PCSK1: variants seen among roughly 807,000 people sequenced by gnomAD.
PCSK1 encodes proprotein convertase subtilisin/kexin type 1, also known as neuroendocrine convertase 1.
Under a neutral mutation model 90.6 loss-of-function variants are expected in PCSK1, and 56 were observed. The ratio of observed to expected loss-of-function variants is 0.62; its 90% CI spans 0.50 to 0.77. The LOEUF (loss-of-function observed/expected upper bound fraction) is 0.77, where lower values mean the gene tolerates loss of function less well. PCSK1 is among the 30% of genes least tolerant of loss of function. The pLI is 0.00. For missense variants in PCSK1, 801 were observed against 932.6 expected, an observed-to-expected ratio of 0.86 and a Z score of 1.84; for synonymous variants, 348 against 342.4, an observed-to-expected ratio of 1.02 and a Z score of -0.18.
Position 96,421,882 on chromosome 5 carries a change from G to A in PCSK1, c.618C>T (p.Asn206=), listed in dbSNP as rs1761138786. The A allele has an allele frequency of 2.0e-6, 3 of 1,495,066 alleles. No individual in the cohort carries two copies. The highest frequency in any genetic ancestry group is 1.9e-6 in the Non-Finnish European group (2 of 1,076,714). The allele number at this position is 1,495,066 out of a possible 1,614,324, so 92.6% of individuals were successfully genotyped here. A position where few individuals can be genotyped will look rare whatever the true frequency, so the allele number is the denominator to read the frequency against. ...CACACAAATGCATATTTACTCACTT[G>A]TTCTCGTTTGTGGGATCATATCGGG... ...PFPRYDPTNE[N]KHGTRCAGEI... is the part of the protein sequence containing the mutation. The change falls in exon 5 of 14, where the codon AAC becomes AAT. Residue 206 remains asparagine, a splice_region_variant and synonymous_variant. Transcript: ENST00000311106.
At chr5:96,417,194 C>T (rs1025394573) in intron 5 of PCSK1, among the ~76,000 whole-genome samples, 1 of 152,166 alleles carries the variant, frequency 6.6e-6, no homozygotes, top group Non-Finnish European at 1.5e-5. Flanking sequence ...ATTGACTGGC[C>T]ATCAAGAAGA....
intron 6 of PCSK1, among the ~76,000 whole-genome samples, chr5:96,412,752 G>GTTTTTTTGTT (rs1760802563): frequency 1.4e-5 from 1 of 71,832 alleles, no homozygotes; most frequent in African/African-American, 9.0e-5. Context: ...CAGCTGTGAT[G>GTTTTTTTGTT]TTTTTTTTTT....
chr5:96,402,064 G>A (rs923138000), intron 9 of PCSK1, among the ~76,000 whole-genome samples: 4 of 152,174 alleles, frequency 2.6e-5, no homozygotes, highest in Admixed American at 6.5e-5. Flanking sequence ...CTCAGCACTC[G>A]GTTGGAGAAC....
intron 1 of PCSK1, 104 bp downstream of exon 1, chr5:96,432,759 G>C (rs979325333): frequency 4.5e-6 from 4 of 884,728 alleles, no homozygotes; most frequent in African/African-American, 1.7e-5. Context: ...TTGCTACTCT[G>C]GGCTCTGGAG....
At chr5:96,420,840 G>A (rs1029261100) in intron 5 of PCSK1, among the ~76,000 whole-genome samples, 7 of 152,046 alleles carry the variant, frequency 4.6e-5, no homozygotes, top group Non-Finnish European at 7.4e-5. Context: ...CCCAAGTTGG[G>A]TAACAGTCCA....
chr5:96,396,614 A>G (rs1760158834), intron 12 of PCSK1, among the ~76,000 whole-genome samples: 2 of 151,976 alleles, frequency 1.3e-5, no homozygotes, highest in Non-Finnish European at 2.9e-5. Context: ...GCTGATATTT[A>G]TTACACTTTT....
chr5:96,416,176 T>A (rs1269675079), intron 5 of PCSK1, 55 bp from the exon 6 acceptor site: 129 of 1,196,166 alleles, frequency 1.1e-4, no homozygotes, highest in Non-Finnish European at 1.5e-4. Flanking sequence ...ACATTTGTTT[T>A]GCATATGAAT....
At position 96,432,243 on chromosome 5, in the gene PCSK1, G is replaced by A. The variant is rs1327558418; in HGVS notation, c.180+620C>T. On this transcript the variant is annotated intron_variant, in intron 1 of 13. Transcript: ENST00000311106. ...GAGAGTCGCGGGGATAGATGGTCCCGTGTCTTTCACCCACCATTTCTCCCC... is the reference window on the plus strand; with the variant it reads ...GAGAGTCGCGGGGATAGATGGTCCCATGTCTTTCACCCACCATTTCTCCCC... 11 of 900,628 alleles carry A rather than the reference G, an allele frequency of 1.2e-5. No homozygotes were observed. In the African/African-American group the frequency reaches 1.7e-4, roughly 14 times the overall value. The allele number at this position is 900,628 out of a possible 1,614,324, so 55.8% of individuals were successfully genotyped here.
At chr5:96,427,707 A>C (rs2112448109) in intron 2 of PCSK1, among the ~76,000 whole-genome samples, 1 of 152,276 alleles carries the variant, frequency 6.6e-6, no homozygotes, top group African/African-American at 2.4e-5. Flanking sequence ...ATTCTGTCCA[A>C]TTTTCTCCTA....
At chr5:96,428,442 A>G (rs890130542) in intron 2 of PCSK1, among the ~76,000 whole-genome samples, 1 of 152,220 alleles carries the variant, frequency 6.6e-6, no homozygotes. Context: ...GAAAATTACA[A>G]TACTCCCAAC....
intron 5 of PCSK1, among the ~76,000 whole-genome samples, chr5:96,416,827 C>A (rs1364731968): frequency 6.6e-6 from 1 of 152,186 alleles, no homozygotes; most frequent in Non-Finnish European, 1.5e-5. Flanking sequence ...TTTATGATTT[C>A]AGAGTATTTG....
chr5:96,419,992 G>T (rs1183229034), intron 5 of PCSK1, among the ~76,000 whole-genome samples: 2 of 151,982 alleles, frequency 1.3e-5, no homozygotes, highest in Non-Finnish European at 2.9e-5. Flanking sequence ...TGCCTGGAAG[G>T]ACCGTATACT....
intron 9 of PCSK1, among the ~76,000 whole-genome samples, chr5:96,406,486 C>A (rs1203980088): frequency 1.3e-5 from 2 of 152,178 alleles, no homozygotes; most frequent in Non-Finnish European, 2.9e-5. Context: ...ATCTTGCCAG[C>A]CCCTCCAAGT....
At chr5:96,425,484 A>G (rs1164981953) in intron 3 of PCSK1, among the ~76,000 whole-genome samples, 1 of 152,244 alleles carries the variant, frequency 6.6e-6, no homozygotes. Flanking sequence ...CTGAAGAATA[A>G]CTTTAACCAA....
chr5:96,420,501 G>C (rs115719494), intron 5 of PCSK1, among the ~76,000 whole-genome samples: 3,748 of 152,156 alleles, frequency 0.025, 152 homozygotes, highest in African/African-American at 0.086. Flanking sequence ...AACCCCTTTA[G>C]TCACCCTCAA....
At chr5:96,432,026 A>C (rs1437475890) in intron 1 of PCSK1, 20 of 1,258,786 alleles carry the variant, frequency 1.6e-5, no homozygotes, top group Non-Finnish European at 1.9e-5. Flanking sequence ...CTATCGACCA[A>C]GCCTTCACTT....
chr5:96,408,208 C>A lies in PCSK1; in HGVS notation c.1196+15G>T, dbSNP rs754036682. On this transcript the variant is annotated intron_variant, in intron 9 of 13. Transcript: ENST00000311106. ...CAGCCTTTGTAAAGGTGATTAGAAG[C>A]TTTCTGGGCCTTACTTTGCTTCCAG... 1 of 1,592,134 alleles carries A rather than the reference C, an allele frequency of 6.3e-7. No homozygotes were observed. Among genetic ancestry groups the A allele is most frequent in the East Asian group, 2.2e-5 (1 of 44,770 alleles).
intron 8 of PCSK1, among the ~76,000 whole-genome samples, chr5:96,409,385 G>C (rs933278008): frequency 2.6e-5 from 4 of 152,226 alleles, no homozygotes; most frequent in African/African-American, 9.7e-5. Context: ...GAGGGCTGCG[G>C]AAGCAAGGTT....
At position 96,392,128 on chromosome 5, in the gene PCSK1, T is replaced by C. The variant is rs928493742; in HGVS notation, c.*873A>G. On this transcript the variant is annotated 3_prime_UTR_variant, in exon 14 of 14. Transcript: ENST00000311106. ...CATGTGATAAGTGGTTTCCTGTTACTGCTGAAAAAAATTGTGACTAGGAAT... is the reference window on the plus strand; with the variant it reads ...CATGTGATAAGTGGTTTCCTGTTACCGCTGAAAAAAATTGTGACTAGGAAT... The C allele has an allele frequency of 1.3e-5, 2 of 152,072 alleles. No individual in the cohort carries two copies. Among genetic ancestry groups the C allele is most frequent in the Non-Finnish European group, 2.9e-5 (2 of 68,004 alleles). The allele number at this position is 152,072 out of a possible 1,614,324, so 9.4% of individuals were successfully genotyped here.
Sources: gnomAD v4.1 joint callset for allele counts (sites outside exome capture counted in the v4.1 genomes callset) on GRCh38, gnomAD v4.1.1 for gene constraint, MANE v1.5 for transcripts, NCBI Gene and HGNC (gene_info 2026-07-23, HGNC 2026-07-21) for gene names.